CACNA1A: variants seen among roughly 807,000 people sequenced by gnomAD.
CACNA1A encodes the protein voltage-dependent P/Q-type calcium channel subunit alpha-1A.
In CACNA1A, 57 loss-of-function variants were observed where a neutral mutation model predicts 262.4. That is an observed-to-expected ratio of 0.22 (90% CI 0.18 to 0.27). CACNA1A has a LOEUF of 0.27. CACNA1A is among the 10% of genes least tolerant of loss of function. The pLI is 1.00. For synonymous variants in CACNA1A, 1,431 were observed against 1,419.3 expected (o/e 1.01, Z -0.18); for missense variants, 2,526 against 3,562.8 (o/e 0.71, Z 7.41).
At chr19:13,481,672 A>T (rs888188535) in intron 1 of CACNA1A, among the ~76,000 whole-genome samples, 1 of 152,074 alleles carries the variant, frequency 6.6e-6, no homozygotes, top group Non-Finnish European at 1.5e-5. Flanking sequence ...GCCCAGCTTC[A>T]ACGTCACTTG....
At chr19:13,422,710 TAA>T (rs2060337714) in intron 3 of CACNA1A, among the ~76,000 whole-genome samples, 1 of 152,196 alleles carries the variant, frequency 6.6e-6, no homozygotes, top group South Asian at 2.1e-4. Context: ...ACCCAGCAGT[TAA>T]AGTCAGTCAC....
At chr19:13,338,940 A>T (rs1455327729) in intron 6 of CACNA1A, among the ~76,000 whole-genome samples, 1 of 152,088 alleles carries the variant, frequency 6.6e-6, no homozygotes, top group African/African-American at 2.4e-5. Context: ...ATCTCAGCTC[A>T]CTGCAACCTC....
chr19:13,469,368 T>A (rs1045195783), intron 1 of CACNA1A, among the ~76,000 whole-genome samples: 1 of 150,676 alleles, frequency 6.6e-6, no homozygotes, highest in Non-Finnish European at 1.5e-5. Context: ...ATAACCAATG[T>A]CTCCTCCAAG....
intron 3 of CACNA1A, among the ~76,000 whole-genome samples, chr19:13,427,231 C>G (rs2060417712): frequency 1.3e-5 from 2 of 152,034 alleles, no homozygotes; most frequent in African/African-American, 4.8e-5. Context: ...ATGGGCGGAT[C>G]ACCTGAGGTC....
At chr19:13,323,844 G>T (rs947386395) in intron 10 of CACNA1A, among the ~76,000 whole-genome samples, 1 of 151,958 alleles carries the variant, frequency 6.6e-6, no homozygotes, top group Non-Finnish European at 1.5e-5. Context: ...AATCATTCCC[G>T]AGACCAATGC....
intron 6 of CACNA1A, among the ~76,000 whole-genome samples, chr19:13,346,069 T>C (rs537796728): frequency 6.8e-4 from 104 of 152,128 alleles, no homozygotes; most frequent in Non-Finnish European, 9.6e-4. Flanking sequence ...CCTGGCTAAC[T>C]TTTTTGTATT....
At chr19:13,420,797 C>A (rs4926285) in intron 3 of CACNA1A, among the ~76,000 whole-genome samples, 87,496 of 151,738 alleles carry the variant, frequency 0.58, 25,691 homozygotes, top group African/African-American at 0.69. Context: ...TGATTTAATA[C>A]TTCAGTTAAT....
intron 3 of CACNA1A, among the ~76,000 whole-genome samples, chr19:13,409,307 T>G (rs773085368): frequency 4.0e-5 from 6 of 150,310 alleles, no homozygotes; most frequent in Non-Finnish European, 8.8e-5. Flanking sequence ...GTAGGAGATA[T>G]GGTAAGGCAG....
chr19:13,285,332 G>T, intron 20 of CACNA1A, 126 bp from the exon 21 acceptor site: 1 of 951,418 alleles, frequency 1.1e-6, no homozygotes, highest in East Asian at 2.6e-5. Flanking sequence ...GTATATACCA[G>T]GCATCTTATG....
chr19:13,434,575 G>A (rs79610647), intron 3 of CACNA1A, among the ~76,000 whole-genome samples: 2,102 of 152,010 alleles, frequency 0.014, 50 homozygotes, highest in African/African-American at 0.049. Context: ...ACATTTAAAG[G>A]TGTGTAGCAT....
At chr19:13,280,452 C>T (rs1030822854) in intron 22 of CACNA1A, among the ~76,000 whole-genome samples, 42 of 151,702 alleles carry the variant, frequency 2.8e-4, no homozygotes, top group African/African-American at 9.2e-4. Context: ...CTTGGCCTCT[C>T]GAAGTGCTGG....
chr19:13,298,679 G>C lies in CACNA1A; in HGVS notation c.2954C>G (p.Pro985Arg). 6.8e-7 allele frequency: 1 copy of C among 1,472,440 alleles called. No individual in the cohort carries two copies. The allele number at this position is 1,472,440 out of a possible 1,614,324, so 91.2% of individuals were successfully genotyped here. The change falls in exon 19 of 47, where the codon CCG becomes CGG. Residue 985 changes from proline (P) to arginine (R), a missense_variant. By Grantham distance (103) the Pro-to-Arg change is moderately radical. Transcript: ENST00000360228. ...RRARHREGSRPARGGEGEGEG... is the reference protein window; with the variant it reads ...RRARHREGSRRARGGEGEGEG... ...GCCCTCGCCCTCGCCGCCCCGGGCC[G>C]GCCGGCTGCCCTCGCGGTGCCGCGC...
In CACNA1A at chr19:13,299,196, G is replaced by A; in HGVS notation, c.2437C>T (p.Pro813Ser). The A allele has an allele frequency of 6.2e-7, 1 of 1,612,314 alleles. No individual in the cohort carries two copies. Among genetic ancestry groups the A allele is most frequent in the African/African-American group, 1.3e-5 (1 of 75,052 alleles). Reference sequence around the variant, plus strand: ...CGGTCCAAGTGCGTCTTCATGTCTGGCCGCAGGTGCCGCGTGTAGGCAGCC... The same window carrying A: ...CGGTCCAAGTGCGTCTTCATGTCTGACCGCAGGTGCCGCGTGTAGGCAGCC... ...WKAAYTRHLR[P>S]DMKTHLDRPL... The change falls in exon 19 of 47, where the codon CCA (proline) becomes TCA (serine). Residue 813 changes from proline to serine, a missense_variant. Transcript: ENST00000360228.
intron 1 of CACNA1A, among the ~76,000 whole-genome samples, chr19:13,504,488 G>A (rs1170089993): frequency 6.6e-6 from 1 of 152,008 alleles, no homozygotes; most frequent in Admixed American, 6.6e-5. Context: ...CGCCAGGCTC[G>A]ATTTTGAACC....
At position 13,354,525 on chromosome 19, in the gene CACNA1A, C is replaced by T. The variant is rs181061000; in HGVS notation, c.978+5081G>A. On this transcript the variant is annotated intron_variant, in intron 6 of 46. Coordinates refer to ENST00000360228, the MANE Select transcript of CACNA1A (RefSeq NM_001127222.2). ...AGAAACTCAAAGATGGGCACCTTAG[C>T]CCCTGCACCCTGGCATTGACAGACG... 9.2e-5 allele frequency among the ~76,000 whole-genome samples: 14 copies of T among 152,302 alleles called. No individual in the cohort carries two copies. The East Asian group carries it at 1.9e-3, about 21-fold the overall frequency.
At chr19:13,349,719 C>T (rs946175631) in intron 6 of CACNA1A, among the ~76,000 whole-genome samples, 12 of 152,234 alleles carry the variant, frequency 7.9e-5, no homozygotes, top group Admixed American at 4.6e-4. Flanking sequence ...AATTCTGACT[C>T]TCAATCGCTG....
chr19:13,304,067 G>A (rs1174685405), intron 15 of CACNA1A, among the ~76,000 whole-genome samples, 183 bp from the exon 16 acceptor site: 2 of 152,050 alleles, frequency 1.3e-5, no homozygotes, highest in Non-Finnish European at 2.9e-5. Flanking sequence ...CTTTGTTTGC[G>A]AGTAGAAAGG....
chr19:13,334,561 T>TTGTG (rs1196739807), intron 7 of CACNA1A, 68 bp from the exon 8 acceptor site: 29,445 of 302,102 alleles, frequency 0.097, 426 homozygotes, highest in East Asian at 0.22. Context: ...GTGTGTGTGT[T>TTGTG]TGTGTGTGTG....
In CACNA1A at chr19:13,444,018, T is replaced by G. The variant is rs140260814; in HGVS notation, c.539+8858A>C. ...TAACGACCATGGCAGCTAACATCAT[T>G]ATTATCACTGTCACTGCTGGTGTTG... On this transcript the variant is annotated intron_variant, in intron 3 of 46. Coordinates refer to ENST00000360228, the MANE Select transcript of CACNA1A (RefSeq NM_001127222.2). Among the ~76,000 whole-genome samples, 138 of 152,248 alleles carry G rather than the reference T, an allele frequency of 9.1e-4. No individual in the cohort carries two copies. In the Middle Eastern group the frequency reaches 0.01, roughly 11 times the overall value.
Sources: allele counts gnomAD v4.1 joint callset (sites outside exome capture counted in the v4.1 genomes callset), GRCh38; gene constraint gnomAD v4.1.1; transcripts MANE v1.5; gene names NCBI Gene and HGNC (gene_info 2026-07-23, HGNC 2026-07-21).